The following GRK2 variants were observed in gnomAD, a reference collection of about 807,000 sequenced individuals.
GRK2 encodes the protein adrenergic beta receptor kinase 1.
A neutral mutation model predicts 97.8 loss-of-function variants in GRK2; 23 were observed. That is an observed-to-expected ratio of 0.24 (90% CI 0.17 to 0.33). The LOEUF (loss-of-function observed/expected upper bound fraction) is 0.33, where lower values mean the gene tolerates loss of function less well. GRK2 is among the 10% of genes least tolerant of loss of function. The probability of loss-of-function intolerance (pLI) is 1.00; values close to 1 mark genes in which losing one functional copy is unlikely to be tolerated. For missense variants in GRK2, 633 were observed against 956.9 expected, an observed-to-expected ratio of 0.66 and a Z score of 4.47; for synonymous variants, 425 against 381.7, an observed-to-expected ratio of 1.11 and a Z score of -1.32.
chr11:67,282,920 C>T lies in GRK2; in HGVS notation c.1227+102C>T. On this transcript the variant is annotated intron_variant, in intron 14 of 20. Transcript: ENST00000308595. This position sits in a 1 kb window ranked among gnomAD's most constrained non-coding sequence, Gnocchi z 6.9. ...CCCACCAGCCAGCAGAGATCTGGGC[C>T]ACTGACCCCTACTCTGGCCTCTGAG... 7.5e-7 allele frequency: 1 copy of T among 1,334,284 alleles called. No individual in the cohort carries two copies. The highest frequency in any genetic ancestry group is 2.5e-5 in the East Asian group (1 of 40,702). The allele number at this position is 1,334,284 out of a possible 1,614,324, so 82.7% of individuals were successfully genotyped here.
intron 1 of GRK2, among the ~76,000 whole-genome samples, chr11:67,271,699 G>A (rs559278279): frequency 1.1e-4 from 17 of 152,376 alleles, no homozygotes; most frequent in South Asian, 1.0e-3. Context: ...CCAGGCTGCT[G>A]CAGACCCTGG....
intron 6 of GRK2, 36 bp downstream of exon 6, chr11:67,279,936 G>T (rs1565066392): frequency 6.2e-7 from 1 of 1,600,656 alleles, no homozygotes; most frequent in African/African-American, 1.3e-5. Context: ...GAAGGGGGAG[G>T]GAGGGGCCGC....
rs1378758542 is a variant in GRK2, at chr11:67,281,293, C to G, written c.647+109C>G. Reference sequence around the variant, plus strand: ...CACCTGCTGCTCCATGCACTCCTGTCTTGCCGTGCTGTTACCCCCGCAGGC... The same window carrying G: ...CACCTGCTGCTCCATGCACTCCTGTGTTGCCGTGCTGTTACCCCCGCAGGC... On this transcript the variant is annotated intron_variant, in intron 8 of 20. Coordinates refer to ENST00000308595, the MANE Select transcript of GRK2 (RefSeq NM_001619.5). This position sits in a 1 kb window ranked among gnomAD's most constrained non-coding sequence, Gnocchi z 5.7. The G allele has an allele frequency of 3.7e-5, 42 of 1,133,998 alleles. No individual in the cohort carries two copies. In the South Asian group the frequency reaches 5.6e-4, roughly 15 times the overall value. 70.2% of individuals were successfully genotyped at this position (1,133,998 alleles called of 1,614,324 possible).
In GRK2 at chr11:67,282,291, C is replaced by T. The variant is rs758774328; in HGVS notation, c.978C>T (p.Asp326=). The change falls in exon 12 of 21, where the codon GAC becomes GAT. Residue 326 remains aspartate (D), a synonymous_variant. Transcript: ENST00000308595. This position sits in a 1 kb window ranked among gnomAD's most constrained non-coding sequence, Gnocchi z 6.9. Reference sequence around the variant, plus strand: ...CACAGCCAGCCAACATCCTTCTGGACGAGCATGGCCACGTGCGGATCTCGG... The same window carrying T: ...CACAGCCAGCCAACATCCTTCTGGATGAGCATGGCCACGTGCGGATCTCGG... The part of the protein sequence containing the change: ...RDLKPANILL[D]EHGHVRISDL... 9 of 1,613,504 alleles carry T rather than the reference C, an allele frequency of 5.6e-6. No individual in the cohort carries two copies. Among genetic ancestry groups the T allele is most frequent in the Admixed American group, 1.7e-5 (1 of 60,028 alleles).
chr11:67,286,379 C>G lies in GRK2; in HGVS notation c.*929C>G, dbSNP rs767067788. ...GTGCCGCCGCCTCGCCCACCGCATG[C>G]CCCCTCGTGCCAGTCGCGCTGCCTG... On this transcript the variant is annotated 3_prime_UTR_variant, in exon 21 of 21. Coordinates refer to ENST00000308595, the MANE Select transcript of GRK2 (RefSeq NM_001619.5). 2.4e-5 allele frequency: 17 copies of G among 698,906 alleles called. No homozygotes were observed. The highest frequency in any genetic ancestry group is 4.2e-5 in the Non-Finnish European group (16 of 383,536). The allele number at this position is 698,906 out of a possible 1,614,324, so 43.3% of individuals were successfully genotyped here.
intron 2 of GRK2, 102 bp from the exon 3 acceptor site, chr11:67,279,098 C>T (rs1860091229): frequency 2.0e-6 from 2 of 993,534 alleles, no homozygotes; most frequent in African/African-American, 1.6e-5. Flanking sequence ...TTTGCCACCT[C>T]CATAGCCAGT....
chr11:67,270,269 C>T (rs935739157), intron 1 of GRK2, among the ~76,000 whole-genome samples: 1 of 152,200 alleles, frequency 6.6e-6, no homozygotes, highest in African/African-American at 2.4e-5. Flanking sequence ...CTGAGGAGCC[C>T]TGCCTGGGCG....
intron 20 of GRK2, 48 bp from the exon 21 acceptor site, chr11:67,285,238 C>T: frequency 1.9e-6 from 3 of 1,609,324 alleles, no homozygotes; most frequent in Non-Finnish European, 2.5e-6. Flanking sequence ...CCAGGCCAGG[C>T]AGGCTGGGGA....
rs967939520 is a variant in GRK2, at chr11:67,266,606, C to G, written c.-94C>G. 11 of 418,740 alleles carry G rather than the reference C, an allele frequency of 2.6e-5. No individual in the cohort carries two copies. Among genetic ancestry groups the G allele is most frequent in the African/African-American group, 1.8e-4 (8 of 44,886 alleles). 25.9% of individuals were successfully genotyped at this position (418,740 alleles called of 1,614,324 possible). ...AGGCGGGAGGCGTCGGCGCCCGAGG[C>G]CGAGCGAGCCGCGGCCGGGCCGGGC... is the stretch of plus-strand genomic sequence containing the variant. On this transcript the variant is annotated 5_prime_UTR_variant, in exon 1 of 21. Coordinates refer to ENST00000308595, the MANE Select transcript of GRK2 (RefSeq NM_001619.5).
At position 67,281,552 on chromosome 11, in the gene GRK2, C is replaced by T; in HGVS notation, c.741C>T (p.Ser247=). The T allele has an allele frequency of 6.2e-7, 1 of 1,613,382 alleles. No individual in the cohort carries two copies. The highest frequency in any genetic ancestry group is 8.5e-7 in the Non-Finnish European group (1 of 1,179,876). The part of the protein sequence containing the change: ...LNERIMLSLV[S]TGDCPFIVCM... ...AGCGCATCATGCTCTCGCTCGTCAG[C>T]ACTGGGGTGAGCTGGGTGGGCCGGG... Residue 247 remains serine, a synonymous_variant, in exon 9 of 21, where the codon AGC becomes AGT. Coordinates refer to ENST00000308595, the MANE Select transcript of GRK2 (RefSeq NM_001619.5). The surrounding 1 kb of genome is among the most constrained non-coding windows in gnomAD (Gnocchi z 5.7).
Position 67,282,886 on chromosome 11 carries a change from C to T in GRK2, c.1227+68C>T. On this transcript the variant is annotated intron_variant, in intron 14 of 20. Coordinates refer to ENST00000308595, the MANE Select transcript of GRK2 (RefSeq NM_001619.5). The surrounding 1 kb of genome is among the most constrained non-coding windows in gnomAD (Gnocchi z 6.9). ...AGCTCCTGTGGGTGCCAGGCCATGA[C>T]TCTTGCTTCCCACCAGCCAGCAGAG... is the stretch of plus-strand genomic sequence containing the variant. The T allele has an allele frequency of 2.0e-6, 3 of 1,503,538 alleles. No homozygotes were observed. Among genetic ancestry groups the T allele is most frequent in the Non-Finnish European group, 2.7e-6 (3 of 1,106,524 alleles). 93.1% of individuals were successfully genotyped at this position (1,503,538 alleles called of 1,614,324 possible). A position where few individuals can be genotyped will look rare whatever the true frequency, so the allele number is the denominator to read the frequency against.
rs1262765749 is a variant in GRK2, at chr11:67,266,581, A to C, written c.-119A>C. The C allele has an allele frequency of 1.2e-5, 2 of 172,074 alleles. No individual in the cohort carries two copies. The highest frequency in any genetic ancestry group is 7.3e-5 in the Admixed American group (1 of 13,748). 10.7% of individuals were successfully genotyped at this position (172,074 alleles called of 1,614,324 possible). A position where few individuals can be genotyped will look rare whatever the true frequency, so the allele number is the denominator to read the frequency against. ...GGAGCCGCGGGCGCCGAGCAGGGCC[A>C]GGCGGGAGGCGTCGGCGCCCGAGGC... On this transcript the variant is annotated 5_prime_UTR_variant, in exon 1 of 21. Coordinates refer to ENST00000308595, the MANE Select transcript of GRK2 (RefSeq NM_001619.5).
intron 1 of GRK2, among the ~76,000 whole-genome samples, chr11:67,271,351 G>C (rs1859903648): frequency 6.6e-6 from 1 of 152,254 alleles, no homozygotes; most frequent in Admixed American, 6.5e-5. Context: ...ACTGCAAAAG[G>C]ACGCGTCTAT....
In GRK2 at chr11:67,284,251, T is replaced by G; in HGVS notation, c.1532T>G (p.Leu511Arg). ...SDQELYRNFP[L>R]TISERWQQEV... ...CAGGAGCTCTACCGCAACTTCCCCC[T>G]CACCATCTCGGAGCGGTGGCAGCAG... Residue 511 changes from leucine (L) to arginine (R), a missense_variant, in exon 18 of 21, where the codon CTC becomes CGC. Leu to Arg is a moderately radical substitution (Grantham distance 102, BLOSUM62 -2). This residue lies in a region of GRK2 where 180 missense variants were observed against 311.3 expected (regional missense o/e 0.58). Transcript: ENST00000308595. 6.2e-7 allele frequency: 1 copy of G among 1,613,488 alleles called. No homozygotes were observed. Among genetic ancestry groups the G allele is most frequent in the Non-Finnish European group, 8.5e-7 (1 of 1,179,964 alleles).
In GRK2 at chr11:67,281,993, G is replaced by A. The variant is rs771011579; in HGVS notation, c.957+41G>A. 1 of 1,611,048 alleles carries A rather than the reference G, an allele frequency of 6.2e-7. No homozygotes were observed. Among genetic ancestry groups the A allele is most frequent in the Admixed American group, 1.7e-5 (1 of 59,950 alleles). ...GTCCCCAGGCTGGACCTCCGTGGCT[G>A]TCCTCTCCTTCCTCTCGACATCCCG... On this transcript the variant is annotated intron_variant, in intron 11 of 20. Transcript: ENST00000308595. The surrounding 1 kb of genome is among the most constrained non-coding windows in gnomAD (Gnocchi z 5.7).
At chr11:67,268,805 C>T (rs1255365916) in intron 1 of GRK2, among the ~76,000 whole-genome samples, 1 of 152,210 alleles carries the variant, frequency 6.6e-6, no homozygotes. Flanking sequence ...CATCTCAGTT[C>T]TTCCAGCAAC....
At chr11:67,280,356 A>G (rs1035485840) in intron 6 of GRK2, 1 of 389,722 alleles carries the variant, frequency 2.6e-6, no homozygotes, top group Admixed American at 4.1e-5. Context: ...TTTTAGGGTC[A>G]CTGCTGCCCA....
At chr11:67,273,191 A>G (rs1859947850) in intron 1 of GRK2, among the ~76,000 whole-genome samples, 1 of 152,244 alleles carries the variant, frequency 6.6e-6, no homozygotes, top group African/African-American at 2.4e-5. Flanking sequence ...CCAGGTGGTG[A>G]GGGCCACTTG....
intron 15 of GRK2, 162 bp from the exon 16 acceptor site, chr11:67,283,545 C>T (rs924936300): frequency 4.1e-6 from 3 of 726,778 alleles, no homozygotes; most frequent in Non-Finnish European, 4.6e-6. Context: ...AAACCCACAA[C>T]CCTACGATGT....
Sources: allele counts gnomAD v4.1 joint callset (sites outside exome capture counted in the v4.1 genomes callset), GRCh38; gene constraint gnomAD v4.1.1; regional missense constraint gnomAD v4.1.1; non-coding constraint Gnocchi (gnomAD v3.1); transcripts MANE v1.5; gene names NCBI Gene and HGNC (gene_info 2026-07-23, HGNC 2026-07-21).